Variants in SSH2 observed in about 807,000 individuals in gnomAD.
SSH2 encodes the protein protein phosphatase Slingshot homolog 2.
Under a neutral mutation model 135.2 loss-of-function variants are expected in SSH2, and 37 were observed. The observed-to-expected ratio is 0.27, with a 90% CI of 0.21 to 0.36. The LOEUF is 0.36. Among genes scored for constraint, SSH2 ranks in the 10% least tolerant of loss-of-function variants. The probability of loss-of-function intolerance (pLI) is 1.00; values close to 1 mark genes in which losing one functional copy is unlikely to be tolerated. For synonymous variants in SSH2, 628 were observed against 646.2 expected, an observed-to-expected ratio of 0.97 and a Z score of 0.43; for missense variants, 1,408 against 1,765.3, an observed-to-expected ratio of 0.80 and a Z score of 3.63.
chr17:29,716,356 G>T, intron 3 of SSH2: 1 of 467,588 alleles, frequency 2.1e-6, no homozygotes, highest in Non-Finnish European at 3.9e-6. Context: ...AGCTGTCTTG[G>T]CTCTTAGAGT....
At chr17:29,928,338 T>C (rs1332406559) in intron 1 of SSH2, 12 of 392,320 alleles carry the variant, frequency 3.1e-5, no homozygotes, top group Middle Eastern at 6.3e-4. Flanking sequence ...CCCTAAAATG[T>C]TTTACCAGCT....
chr17:29,652,304 A>G (rs1418714506), intron 12 of SSH2, among the ~76,000 whole-genome samples: 1 of 152,244 alleles, frequency 6.6e-6, no homozygotes, highest in African/African-American at 2.4e-5. Context: ...AAATGGTCAC[A>G]GCAGCATTAT....
chr17:29,785,060 G>A (rs986123940), intron 3 of SSH2, among the ~76,000 whole-genome samples: 24 of 152,092 alleles, frequency 1.6e-4, no homozygotes, highest in African/African-American at 5.5e-4. Context: ...TTCAGCAGAT[G>A]GTGAGTAATT....
At chr17:29,728,009 C>T (rs1261920940) in intron 3 of SSH2, among the ~76,000 whole-genome samples, 1 of 152,120 alleles carries the variant, frequency 6.6e-6, no homozygotes, top group Non-Finnish European at 1.5e-5. Context: ...GGCGAAACCC[C>T]TTCTCTACTA....
chr17:29,811,178 T>C lies in SSH2; in HGVS notation c.145-17241A>G, dbSNP rs576443243. Among the ~76,000 whole-genome samples, 568 of 152,160 alleles carry C rather than the reference T, an allele frequency of 3.7e-3. 1 individual carries two copies. Among genetic ancestry groups the C allele is most frequent in the Non-Finnish European group, 6.5e-3 (445 of 67,996 alleles). ...ACCTGGCTAATTTTTGTATTTTTAG[T>C]AGAGATGGAGTTTTGCCATGTTGGC... On this transcript the variant is annotated intron_variant, in intron 2 of 15. Coordinates refer to ENST00000540801, the MANE Select transcript of SSH2 (RefSeq NM_001282129.2).
chr17:29,656,228 A>G (rs1008224609), intron 11 of SSH2, among the ~76,000 whole-genome samples: 2 of 152,070 alleles, frequency 1.3e-5, no homozygotes, highest in Non-Finnish European at 2.9e-5. Flanking sequence ...CCAGGCTGGA[A>G]TGCAATGGCG....
chr17:29,795,533 G>C (rs1478292824), intron 2 of SSH2, among the ~76,000 whole-genome samples: 1 of 152,126 alleles, frequency 6.6e-6, no homozygotes, highest in Admixed American at 6.5e-5. Context: ...AAATGGGAAA[G>C]AGCTGTCTCT....
At chr17:29,912,683 A>T (rs2066786300) in intron 1 of SSH2, among the ~76,000 whole-genome samples, 1 of 152,174 alleles carries the variant, frequency 6.6e-6, no homozygotes, top group Non-Finnish European at 1.5e-5. Context: ...GTGAGCTACG[A>T]TCTTGCCACT....
At chr17:29,779,807 T>G (rs2041796968) in intron 3 of SSH2, among the ~76,000 whole-genome samples, 2 of 26,538 alleles carry the variant, frequency 7.5e-5, no homozygotes, top group African/African-American at 3.4e-4. Context: ...TGAGACTCTG[T>G]CTCAAAAAAA....
chr17:29,741,804 C>T (rs1305698533), intron 3 of SSH2, among the ~76,000 whole-genome samples: 2 of 151,890 alleles, frequency 1.3e-5, no homozygotes, highest in Admixed American at 6.6e-5. Context: ...TTGGTAGAGA[C>T]GGGGTTTCAC....
chr17:29,720,314 T>C (rs1003085494), intron 3 of SSH2, among the ~76,000 whole-genome samples: 19 of 152,208 alleles, frequency 1.2e-4, no homozygotes, highest in Non-Finnish European at 1.8e-4. Flanking sequence ...TCAAAATTAA[T>C]TGGCCACAAA....
chr17:29,847,167 A>G (rs966873900), intron 2 of SSH2, among the ~76,000 whole-genome samples: 7 of 152,184 alleles, frequency 4.6e-5, no homozygotes, highest in African/African-American at 1.4e-4. Context: ...AAATTCCAAG[A>G]GCGGCCCAGT....
chr17:29,928,898 A>C (rs1383151115), intron 1 of SSH2, among the ~76,000 whole-genome samples: 1 of 152,186 alleles, frequency 6.6e-6, no homozygotes, highest in Non-Finnish European at 1.5e-5. Flanking sequence ...CACCGTTTTT[A>C]AAATTACAGT....
At chr17:29,771,013 C>G (rs147054923) in intron 3 of SSH2, among the ~76,000 whole-genome samples, 57 of 152,272 alleles carry the variant, frequency 3.7e-4, no homozygotes, top group Non-Finnish European at 5.4e-4. Context: ...AACTAAGGCT[C>G]TGAAATTAAG....
chr17:29,809,596 C>T (rs1308402465), intron 2 of SSH2, among the ~76,000 whole-genome samples: 1 of 152,026 alleles, frequency 6.6e-6, no homozygotes, highest in Non-Finnish European at 1.5e-5. Flanking sequence ...AACTCTGAAG[C>T]CCAGACTGCA....
chr17:29,633,684 G>GTAAAATATAGTAATATTTTA (rs2035781568), intron 15 of SSH2, among the ~76,000 whole-genome samples: 1 of 152,092 alleles, frequency 6.6e-6, no homozygotes, highest in Admixed American at 6.5e-5. Flanking sequence ...TATTTTACCA[G>GTAAAATATAGTAATATTTTA]CTATAAATTC....
chr17:29,709,015 T>TATATATATAGAGAGAGAG lies in SSH2; in HGVS notation c.189-5954_189-5953insCTCTCTCTCTATATATAT, dbSNP rs780981175. Among the ~76,000 whole-genome samples the TATATATATAGAGAGAGAG allele has an allele frequency of 8.6e-4, 70 of 81,580 alleles. 1 individual carries two copies. The highest frequency in any genetic ancestry group is 1.5e-3 in the Non-Finnish European group (61 of 40,692). The allele number at this position is 81,580 out of a possible 152,430, so 53.5% of individuals were successfully genotyped here. On this transcript the variant is annotated intron_variant, in intron 3 of 15. Transcript: ENST00000540801. Reference sequence around the variant, plus strand: ...AGAAATATATATATATATATATATATAGAGAGAGAGAGAGAGAGAGAGAGA... The same window carrying TATATATATAGAGAGAGAG: ...AGAAATATATATATATATATATATATATATATATAGAGAGAGAGAGAGAGAGAGAGAGAGAGAGAGAGA...
intron 3 of SSH2, among the ~76,000 whole-genome samples, chr17:29,724,962 C>T (rs926872121): frequency 6.6e-5 from 10 of 151,828 alleles, no homozygotes; most frequent in Non-Finnish European, 1.3e-4. Flanking sequence ...AAGAATACAT[C>T]ACAGATTTTC....
intron 3 of SSH2, among the ~76,000 whole-genome samples, chr17:29,736,786 CAAAAAAAAAAAA>C (rs1194959594): frequency 6.9e-4 from 7 of 10,206 alleles, no homozygotes; most frequent in Admixed American, 1.7e-3. Flanking sequence ...GACTCTGTCT[CAAAAAAAAAAAA>C]AAAAAAAAAA....
Sources: gnomAD v4.1 joint callset for allele counts (sites outside exome capture counted in the v4.1 genomes callset) on GRCh38, gnomAD v4.1.1 for gene constraint, MANE v1.5 for transcripts, NCBI Gene and HGNC (gene_info 2026-07-23, HGNC 2026-07-21) for gene names.